The following RBPJ variants were observed in gnomAD, a reference collection of about 807,000 sequenced individuals.
RBPJ encodes the protein recombining binding protein suppressor of hairless.
In RBPJ, 9 loss-of-function variants were observed where a neutral mutation model predicts 67.8. The ratio of observed to expected loss-of-function variants is 0.13; its 90% CI spans 0.08 to 0.23. The LOEUF is 0.23. RBPJ is among the 10% of genes least tolerant of loss of function. RBPJ has a pLI of 1.00. For missense variants in RBPJ, 305 were observed against 595.6 expected (o/e 0.51, Z 5.08); for synonymous variants, 198 against 203.3 (o/e 0.97, Z 0.22).
chr4:26,158,150 G>T, the RBPJ span, among the ~76,000 whole-genome samples: 24 of 152,288 alleles, frequency 1.6e-4, no homozygotes, highest in Admixed American at 1.4e-3. Context: ...TCATCCTATA[G>T]GCACTATCTC....
intron 1 of RBPJ, among the ~76,000 whole-genome samples, chr4:26,229,641 C>T (rs1215973877): frequency 6.6e-6 from 1 of 152,146 alleles, no homozygotes; most frequent in African/African-American, 2.4e-5. Flanking sequence ...GGGTTTACAT[C>T]CCATCTCTGC....
chr4:26,333,724 G>C (rs140237129), intron 1 of RBPJ, among the ~76,000 whole-genome samples: 3 of 151,954 alleles, frequency 2.0e-5, no homozygotes, highest in Admixed American at 6.6e-5. Context: ...GGATCTTACT[G>C]TGTCACCCAG....
chr4:26,181,517 T>G (rs1378693828), intron 1 of RBPJ, among the ~76,000 whole-genome samples: 1 of 152,208 alleles, frequency 6.6e-6, no homozygotes, highest in Admixed American at 6.5e-5. Context: ...ATTATAGTCA[T>G]GTGTCCCTTA....
chr4:26,295,261 T>TGTGTGTGG (rs1031421609), intron 1 of RBPJ, among the ~76,000 whole-genome samples: 1 of 151,794 alleles, frequency 6.6e-6, no homozygotes, highest in African/African-American at 2.4e-5. Context: ...TGTGTGTGTG[T>TGTGTGTGG]GTGTGTGTGG....
At position 26,282,924 on chromosome 4, in the gene RBPJ, C is replaced by CTT. The variant is rs67501530; in HGVS notation, c.-166-79499_-166-79498dup. On this transcript the variant is annotated intron_variant, in intron 1 of 4. Coordinates refer to the RBPJ transcript ENST00000512351. ...TCCCTTTGTGTTTTAAGTGTAGATT[C>CTT]TTTTTTTTTTTTTTTTTTTTTTTTG... Among the ~76,000 whole-genome samples the CTT allele has an allele frequency of 6.0e-3, 372 of 61,590 alleles. 1 individual carries two copies. The highest frequency in any genetic ancestry group is 0.016 in the Middle Eastern group (1 of 62). 40.4% of individuals were successfully genotyped at this position (61,590 alleles called of 152,430 possible). A position where few individuals can be genotyped will look rare whatever the true frequency, so the allele number is the denominator to read the frequency against.
In RBPJ at chr4:26,431,133, A is replaced by G. The variant is rs1442071315; in HGVS notation, c.*126A>G. ...TTTTCATACCAGGTGATACTATTCAAAAACCCCGTTGTCTCCCTGCAAGTG... is the reference window on the plus strand; with the variant it reads ...TTTTCATACCAGGTGATACTATTCAGAAACCCCGTTGTCTCCCTGCAAGTG... On this transcript the variant is annotated 3_prime_UTR_variant, in exon 11 of 11. Coordinates refer to ENST00000355476, the MANE Select transcript of RBPJ (RefSeq NM_015874.6). The G allele has an allele frequency of 8.7e-6, 6 of 689,174 alleles. No homozygotes were observed. The Admixed American group carries it at 1.5e-4, about 17-fold the overall frequency. The allele number at this position is 689,174 out of a possible 1,614,324, so 42.7% of individuals were successfully genotyped here. A position where few individuals can be genotyped will look rare whatever the true frequency, so the allele number is the denominator to read the frequency against.
chr4:26,134,120 A>G, the RBPJ span, among the ~76,000 whole-genome samples: 1 of 152,104 alleles, frequency 6.6e-6, no homozygotes, highest in South Asian at 2.1e-4. Flanking sequence ...TCCTGACAGG[A>G]TGGTTGAAAT....
chr4:26,197,035 C>T (rs980809219), intron 1 of RBPJ, among the ~76,000 whole-genome samples: 1 of 152,182 alleles, frequency 6.6e-6, no homozygotes, highest in African/African-American at 2.4e-5. Context: ...ATCTTTCTCT[C>T]GCTCACTCTC....
chr4:26,252,282 G>A (rs554140897), intron 1 of RBPJ, among the ~76,000 whole-genome samples: 1 of 151,828 alleles, frequency 6.6e-6, no homozygotes, highest in South Asian at 2.1e-4. Context: ...GCTAGTTTAT[G>A]TTTTATGTGA....
In RBPJ at chr4:26,430,493, TG is replaced by T; in HGVS notation, c.1123del (p.Asp375MetfsTer2). 1 of 1,607,372 alleles carries T rather than the reference TG, an allele frequency of 6.2e-7. No homozygotes were observed. On this transcript the variant is annotated frameshift_variant, in exon 10 of 11. Transcript: ENST00000355476. LOFTEE classifies it high-confidence loss of function. This position sits in a 1 kb window ranked among gnomAD's most constrained non-coding sequence, Gnocchi z 4.1. ...TCACTCCAAATTTACGAGTGTGGTTTGGGGATGTAGAAGCTGAAACTATGTA... is the reference window on the plus strand; with the variant it reads ...TCACTCCAAATTTACGAGTGTGGTTTGGGATGTAGAAGCTGAAACTATGTA... ...NFTPNLRVWFGDVEAETMYRC... is the reference protein window; with the variant it reads ...NFTPNLRVWFXDVEAETMYRC...
upstream of RBPJ, among the ~76,000 whole-genome samples, chr4:26,158,934 CCTCTCTCTCTTT>C (rs1716024347): frequency 1.4e-5 from 1 of 73,872 alleles, no homozygotes; most frequent in African/African-American, 4.7e-5. Context: ...AGACTTTCTC[CCTCTCTCTCTTT>C]CTCTCTCTCT....
At chr4:26,214,155 AAGAGAGAAAAGAGAGAG>A (rs1718531738) in intron 1 of RBPJ, among the ~76,000 whole-genome samples, 1 of 148,654 alleles carries the variant, frequency 6.7e-6, no homozygotes, top group Non-Finnish European at 1.5e-5. Flanking sequence ...GGGAGGGAGA[AAGAGAGAAAAGAGAGAG>A]AGAGAGAAAA....
rs1736375593 is a variant in RBPJ, at chr4:26,433,108, T to C, written c.*2101T>C. 2 of 152,218 alleles carry C rather than the reference T, an allele frequency of 1.3e-5. No homozygotes were observed. Among genetic ancestry groups the C allele is most frequent in the Admixed American group, 1.3e-4 (2 of 15,286 alleles). 9.4% of individuals were successfully genotyped at this position (152,218 alleles called of 1,614,324 possible). A position where few individuals can be genotyped will look rare whatever the true frequency, so the allele number is the denominator to read the frequency against. ...TTCTATATCGCCTTTTTTCTTCAAA[T>C]CTGCTCCAATCACTCACTTCTCTCT... On this transcript the variant is annotated 3_prime_UTR_variant, in exon 11 of 11. Transcript: ENST00000355476.
chr4:26,370,795 T>G (rs184630322), intron 1 of RBPJ, among the ~76,000 whole-genome samples: 45 of 152,226 alleles, frequency 3.0e-4, no homozygotes, highest in African/African-American at 1.0e-3. Context: ...TTTGAAAAGT[T>G]AGGGTCTGGG....
intron 1 of RBPJ, among the ~76,000 whole-genome samples, chr4:26,223,608 G>C (rs1231826331): frequency 6.6e-6 from 1 of 152,246 alleles, no homozygotes; most frequent in Non-Finnish European, 1.5e-5. Context: ...TAAGAGAGGA[G>C]CCAGTGCTGG....
intron 1 of RBPJ, among the ~76,000 whole-genome samples, chr4:26,369,736 T>C (rs1030592432): frequency 6.6e-6 from 1 of 152,158 alleles, no homozygotes; most frequent in African/African-American, 2.4e-5. Context: ...AGATACTCCA[T>C]TGCTCTCTTT....
chr4:26,218,436 C>T (rs73245734), intron 1 of RBPJ, among the ~76,000 whole-genome samples: 12,905 of 152,182 alleles, frequency 0.085, 798 homozygotes, highest in African/African-American at 0.16. Context: ...ATCCCATCCC[C>T]TCTACCCCCC....
rs1736376513 is a variant in RBPJ at position 26,433,117 on chromosome 4, A to C, written c.*2110A>C. ...GCCTTTTTTCTTCAAATCTGCTCCA[A>C]TCACTCACTTCTCTCTTATAAGCTA... On this transcript the variant is annotated 3_prime_UTR_variant, in exon 11 of 11. Transcript: ENST00000355476. 1.3e-5 allele frequency: 2 copies of C among 152,142 alleles called. No homozygotes were observed. The highest frequency in any genetic ancestry group is 2.4e-5 in the African/African-American group (1 of 41,430). The allele number at this position is 152,142 out of a possible 1,614,324, so 9.4% of individuals were successfully genotyped here.
intron 1 of RBPJ, among the ~76,000 whole-genome samples, chr4:26,244,171 A>ATACACATATGTG (rs1560225823): frequency 2.7e-5 from 4 of 145,882 alleles, no homozygotes; most frequent in Admixed American, 1.4e-4. Context: ...ATATATATGT[A>ATACACATATGTG]TACACATATA....
Sources: allele counts gnomAD v4.1 joint callset (sites outside exome capture counted in the v4.1 genomes callset), GRCh38; gene constraint gnomAD v4.1.1; non-coding constraint Gnocchi (gnomAD v3.1); transcripts MANE v1.5; gene names NCBI Gene and HGNC (gene_info 2026-07-23, HGNC 2026-07-21).